The following CFAP54 variants were observed in gnomAD, a reference collection of about 807,000 sequenced individuals.
The protein encoded by CFAP54 is cilia- and flagella-associated protein 54.
A neutral mutation model predicts 370.4 loss-of-function variants in CFAP54; 290 were observed. The observed-to-expected ratio is 0.78, with a 90% CI of 0.71 to 0.86. The LOEUF is 0.86. Among genes scored for constraint, CFAP54 ranks in the 40% least tolerant of loss-of-function variants. CFAP54 has a pLI of 0.00. For synonymous variants in CFAP54, 1,206 were observed against 1,236.5 expected, an observed-to-expected ratio of 0.98 and a Z score of 0.52; for missense variants, 3,399 against 3,528.7, an observed-to-expected ratio of 0.96 and a Z score of 0.93.
intron 20 of CFAP54, among the ~76,000 whole-genome samples, chr12:96,577,796 C>T (rs1334526197): frequency 6.6e-6 from 1 of 152,108 alleles, no homozygotes; most frequent in African/African-American, 2.4e-5. Context: ...CGCGATGGCT[C>T]AAGCCTGTAA....
intron 60 of CFAP54, among the ~76,000 whole-genome samples, chr12:96,783,832 G>A (rs542094753): frequency 6.6e-6 from 1 of 152,162 alleles, no homozygotes; most frequent in Admixed American, 6.5e-5. Flanking sequence ...GTTGCGGTGA[G>A]CCAAGATTGT....
intron 65 of CFAP54, among the ~76,000 whole-genome samples, chr12:96,825,209 A>T (rs533012239): frequency 7.3e-6 from 1 of 137,388 alleles, no homozygotes; most frequent in East Asian, 2.0e-4. Context: ...TATACATATT[A>T]TATATATATA....
Position 96,658,315 on chromosome 12 carries a change from G to A in CFAP54, c.5429G>A (p.Cys1810Tyr). 1.2e-6 allele frequency: 2 copies of A among 1,614,126 alleles called. No homozygotes were observed. The highest frequency in any genetic ancestry group is 8.5e-7 in the Non-Finnish European group (1 of 1,180,010). Residue 1810 changes from cysteine (C) to tyrosine (Y), a missense_variant, in exon 38 of 68, where the codon TGT becomes TAT. Cys to Tyr is a radical substitution (Grantham distance 194). This residue lies in a region of CFAP54 where 2,796 missense variants were observed against 2,869.7 expected (regional missense o/e 0.97). Transcript: ENST00000524981. ...FKGPDITQQP[C>Y]ARYEAEYGEK... is the part of the protein sequence containing the mutation. ...GGCCCAGATATTACCCAACAACCTT[G>A]TGCAAGGTATGAGGCTGAATATGGA...
At chr12:96,790,564 GT>G (rs1464156432) in intron 62 of CFAP54, among the ~76,000 whole-genome samples, 2 of 152,020 alleles carry the variant, frequency 1.3e-5, no homozygotes, top group African/African-American at 2.4e-5. Flanking sequence ...TACTTATCTA[GT>G]TATTGAATAT....
chr12:96,841,800 T>C (rs1006460020), intron 66 of CFAP54, among the ~76,000 whole-genome samples: 12 of 152,236 alleles, frequency 7.9e-5, no homozygotes, highest in African/African-American at 2.9e-4. Context: ...GCAATGTATC[T>C]TGGTTGACAA....
intron 60 of CFAP54, among the ~76,000 whole-genome samples, chr12:96,768,714 A>C (rs1438615549): frequency 7.2e-5 from 11 of 152,162 alleles, no homozygotes; most frequent in Non-Finnish European, 1.2e-4. Flanking sequence ...AACAAACAAA[A>C]AAAGAAGCAG....
In CFAP54 at chr12:96,544,943, G is replaced by T. The variant is rs567814081; in HGVS notation, c.2078-2959G>T. Among the ~76,000 whole-genome samples the T allele has an allele frequency of 4.0e-5, 6 of 149,238 alleles. No individual in the cohort carries two copies. The East Asian group carries it at 1.2e-3, about 29-fold the overall frequency. On this transcript the variant is annotated intron_variant, in intron 14 of 67. Transcript: ENST00000524981. ...TTTTTTCCCTTTGAGACGGAGTCTC[G>T]CTCTTTTACCCAGGCTAGAGTGCGG... is the stretch of plus-strand genomic sequence containing the variant.
At chr12:96,860,185 G>A (rs1434212687) in intron 66 of CFAP54, among the ~76,000 whole-genome samples, 4 of 133,700 alleles carry the variant, frequency 3.0e-5, no homozygotes, top group Non-Finnish European at 6.2e-5. Flanking sequence ...CCACAAGGCT[G>A]TAACTCATTG....
chr12:96,515,912 GTTT>G (rs71437221), intron 5 of CFAP54, among the ~76,000 whole-genome samples: 3 of 108,266 alleles, frequency 2.8e-5, no homozygotes. Context: ...TTACCTCTAT[GTTT>G]TTTTTTTTTT....
chr12:96,633,727 A>C (rs946506370), intron 32 of CFAP54, among the ~76,000 whole-genome samples: 8 of 152,232 alleles, frequency 5.3e-5, no homozygotes, highest in Non-Finnish European at 1.0e-4. Flanking sequence ...GACTATTAGG[A>C]ATAATGCTGT....
intron 48 of CFAP54, among the ~76,000 whole-genome samples, chr12:96,714,749 G>C (rs924055578): frequency 6.6e-6 from 1 of 152,026 alleles, no homozygotes; most frequent in African/African-American, 2.4e-5. Flanking sequence ...GAGATAAATG[G>C]GTAGGCTGCT....
intron 50 of CFAP54, among the ~76,000 whole-genome samples, chr12:96,721,346 C>T (rs2136610421): frequency 6.6e-6 from 1 of 152,230 alleles, no homozygotes; most frequent in Non-Finnish European, 1.5e-5. Context: ...TCAGCTCTTT[C>T]ATTTAGTTTG....
rs765939767 is a variant in CFAP54, at chr12:96,753,908, A to G, written c.7840+10A>G. On this transcript the variant is annotated intron_variant, in intron 56 of 67. Transcript: ENST00000524981. ...ATCCTTTTTCAGAAAGGTAAAATGC[A>G]TCTGGGGTCAGAACTATGATAAAAT... 1.1e-5 allele frequency: 18 copies of G among 1,611,650 alleles called. No individual in the cohort carries two copies. Among genetic ancestry groups the G allele is most frequent in the Non-Finnish European group, 1.7e-6 (2 of 1,178,582 alleles).
chr12:96,557,387 G>A (rs951487777), intron 17 of CFAP54, among the ~76,000 whole-genome samples: 19 of 152,130 alleles, frequency 1.2e-4, no homozygotes, highest in African/African-American at 4.1e-4. Context: ...TAATTATTTT[G>A]TAAAGCTAAA....
intron 2 of CFAP54, among the ~76,000 whole-genome samples, chr12:96,503,089 T>C (rs1047359978): frequency 7.0e-6 from 1 of 141,910 alleles, no homozygotes; most frequent in Non-Finnish European, 1.5e-5. Flanking sequence ...TTTCTCTTTC[T>C]TTCTTTCTCT....
chr12:96,610,526 T>C (rs1362869448), intron 26 of CFAP54, among the ~76,000 whole-genome samples: 1 of 152,140 alleles, frequency 6.6e-6, no homozygotes, highest in Admixed American at 6.5e-5. Context: ...ACTGGGTTCA[T>C]CTCACTGGGG....
chr12:96,792,267 G>A, intron 62 of CFAP54, 62 bp from the exon 63 acceptor site: 3 of 1,341,220 alleles, frequency 2.2e-6, no homozygotes, highest in Non-Finnish European at 2.9e-6. Context: ...CAAATAATTT[G>A]TTTCATATAT....
chr12:96,662,524 A>T (rs938201613), intron 38 of CFAP54, among the ~76,000 whole-genome samples: 39 of 152,314 alleles, frequency 2.6e-4, no homozygotes, highest in Non-Finnish European at 4.3e-4. Flanking sequence ...TTCTTAATGC[A>T]GCAGATACAA....
At chr12:96,514,827 C>T (rs1955212815) in intron 5 of CFAP54, among the ~76,000 whole-genome samples, 1 of 152,076 alleles carries the variant, frequency 6.6e-6, no homozygotes. Flanking sequence ...AATAGGTATT[C>T]TAATCTTATT....
Sources: allele counts gnomAD v4.1 joint callset (sites outside exome capture counted in the v4.1 genomes callset), GRCh38; gene constraint gnomAD v4.1.1; regional missense constraint gnomAD v4.1.1; transcripts MANE v1.5; gene names NCBI Gene and HGNC (gene_info 2026-07-23, HGNC 2026-07-21).